MEGF8: variants seen among roughly 807,000 people sequenced by gnomAD.
MEGF8 encodes the protein multiple epidermal growth factor-like domains protein 8.
MEGF8 carries 156 observed loss-of-function variants against 302.9 expected under a neutral mutation model. The ratio of observed to expected loss-of-function variants is 0.52; its 90% confidence interval spans 0.45 to 0.59. MEGF8 has a LOEUF of 0.59. MEGF8 is among the 20% of genes least tolerant of loss of function. MEGF8 has a pLI of 0.00. For synonymous variants in MEGF8, 1,621 were observed against 1,660.5 expected (o/e 0.98, Z 0.58); for missense variants, 3,345 against 3,964.5 (o/e 0.84, Z 4.20).
rs537788689 is a variant in MEGF8 at position 42,370,709 on chromosome 19, C to T, written c.7014C>T (p.Asn2338=). ...KYSLDPEEIE[N]WVTEGPSEDE... is the part of the protein sequence containing the mutation. ...TGTCCTTCCTTGGCCAGATTGAAAA[C>T]TGGGTGACAGAGGGTCCTAGTGAAG... Residue 2338 remains asparagine, a synonymous_variant, in exon 40 of 42, where the codon AAC becomes AAT. Coordinates refer to ENST00000251268, the MANE Select transcript of MEGF8 (RefSeq NM_001271938.2). 80 of 1,593,660 alleles carry T rather than the reference C, an allele frequency of 5.0e-5. 1 individual carries two copies. In the South Asian group the frequency reaches 8.0e-4, roughly 16 times the overall value.
At chr19:42,330,530 G>T (rs2039042309) in intron 1 of MEGF8, among the ~76,000 whole-genome samples, 1 of 152,246 alleles carries the variant, frequency 6.6e-6, no homozygotes, top group Non-Finnish European at 1.5e-5. Flanking sequence ...GGTGGGGTCT[G>T]TGTCTGATGT....
At chr19:42,373,988 C>T (rs1390215333) in intron 41 of MEGF8, among the ~76,000 whole-genome samples, 2 of 152,164 alleles carry the variant, frequency 1.3e-5, no homozygotes, top group African/African-American at 2.4e-5. Flanking sequence ...ACTGGGATTA[C>T]AGGCATGAGT....
chr19:42,336,036 C>G lies in MEGF8; in HGVS notation c.934C>G (p.Pro312Ala), dbSNP rs1194634323. 6.4e-7 allele frequency: 1 copy of G among 1,571,272 alleles called. No homozygotes were observed. Among genetic ancestry groups the G allele is most frequent in the Non-Finnish European group, 8.6e-7 (1 of 1,162,326 alleles). The part of the protein sequence containing the change: ...SLTNDVWAFS[P>A]LGRGHWELLA... Reference sequence around the variant, plus strand: ...CACCAACGACGTGTGGGCCTTCAGTCCACTGGGCAGGGGCCACTGGGAGCT... The same window carrying G: ...CACCAACGACGTGTGGGCCTTCAGTGCACTGGGCAGGGGCCACTGGGAGCT... Residue 312 changes from proline (P) to alanine (A), a missense_variant, in exon 6 of 42, where the codon CCA (proline) becomes GCA (alanine). Transcript: ENST00000251268. The surrounding 1 kb of genome is among the most constrained non-coding windows in gnomAD (Gnocchi z 4.8).
At chr19:42,359,495 A>C (rs1289596803) in intron 31 of MEGF8, among the ~76,000 whole-genome samples, 1 of 152,148 alleles carries the variant, frequency 6.6e-6, no homozygotes, top group Non-Finnish European at 1.5e-5. Context: ...AGAAAAAAAA[A>C]CACCCATAAT....
chr19:42,356,092 G>A lies in MEGF8; in HGVS notation c.4402G>A (p.Val1468Met), dbSNP rs2039447946. 2.5e-6 allele frequency: 4 copies of A among 1,587,700 alleles called. No homozygotes were observed. The South Asian group carries it at 4.6e-5, about 18-fold the overall frequency. ...GAGTCNQSLG[V>M]CICAEGFGGP... ...CCTTGTCATCCCCCAGAGCCTGGGT[G>A]TGTGCATCTGTGCCGAGGGCTTCGG... The change falls in exon 25 of 42, where the codon GTG becomes ATG. Residue 1468 changes from valine (V) to methionine (M), a missense_variant. Transcript: ENST00000251268. This position sits in a 1 kb window ranked among gnomAD's most constrained non-coding sequence, Gnocchi z 5.2.
At position 42,376,422 on chromosome 19, in the gene MEGF8, G is replaced by A; in HGVS notation, c.8185G>A (p.Glu2729Lys). Reference sequence around the variant, plus strand: ...CCCACCTCCCGCCTTCCGCCGCTCTGAGCCCTTCCTGGCACCCCTGCTGCT... The same window carrying A: ...CCCACCTCCCGCCTTCCGCCGCTCTAAGCCCTTCCTGGCACCCCTGCTGCT... Reference protein sequence around the residue: ...GLPPPAFRRSEPFLAPLLLTG... With the variant: ...GLPPPAFRRSKPFLAPLLLTG... Residue 2729 changes from glutamate to lysine, a missense_variant, in exon 42 of 42, where the codon GAG becomes AAG. By Grantham distance (56) the Glu-to-Lys change is moderately conservative (BLOSUM62 1). Coordinates refer to ENST00000251268, the MANE Select transcript of MEGF8 (RefSeq NM_001271938.2). This position sits in a 1 kb window ranked among gnomAD's most constrained non-coding sequence, Gnocchi z 8.2. 6.2e-7 allele frequency: 1 copy of A among 1,612,472 alleles called. No homozygotes were observed. The highest frequency in any genetic ancestry group is 8.5e-7 in the Non-Finnish European group (1 of 1,179,606).
At chr19:42,330,863 A>C (rs2039046017) in intron 1 of MEGF8, among the ~76,000 whole-genome samples, 4 of 152,214 alleles carry the variant, frequency 2.6e-5, no homozygotes. Context: ...AATATGTTGC[A>C]GACAGAGGGA....
rs769598183 is a variant in MEGF8, at chr19:42,375,826, C to T, written c.7589C>T (p.Pro2530Leu). 41 of 1,611,802 alleles carry T rather than the reference C, an allele frequency of 2.5e-5. No homozygotes were observed. Among genetic ancestry groups the T allele is most frequent in the Middle Eastern group, 1.7e-4 (1 of 5,992 alleles). The change falls in exon 42 of 42, where the codon CCA becomes CTA. Residue 2530 changes from proline (P) to leucine (L), a missense_variant. Pro to Leu is a moderately conservative substitution (Grantham distance 98). Coordinates refer to ENST00000251268, the MANE Select transcript of MEGF8 (RefSeq NM_001271938.2). The surrounding 1 kb of genome is among the most constrained non-coding windows in gnomAD (Gnocchi z 7.1). ...CATACTGTACACATCCAGCCACCCC[C>T]AGCCCCACCACCTCCACCACCCCCT... ...GVHTVHIQPP[P>L]APPPPPPPAD...
intron 5 of MEGF8, among the ~76,000 whole-genome samples, 164 bp from the exon 6 acceptor site, chr19:42,335,767 G>A (rs2039118735): frequency 1.3e-5 from 2 of 152,042 alleles, no homozygotes; most frequent in South Asian, 2.1e-4. Flanking sequence ...GTTTCTATGA[G>A]TCTGTCTCTT....
In MEGF8 at chr19:42,372,074, AAC is replaced by A. The variant is rs1555784682; in HGVS notation, c.7269+616_7269+617del. On this transcript the variant is annotated intron_variant, in intron 41 of 41. Coordinates refer to ENST00000251268, the MANE Select transcript of MEGF8 (RefSeq NM_001271938.2). ...AACAACAACAACAACAACAACAACA[AAC>A]ACACACACACACACACACACACAAC... Among the ~76,000 whole-genome samples the A allele has an allele frequency of 5.8e-3, 463 of 79,272 alleles. 2 individuals are homozygous for A. Among genetic ancestry groups the A allele is most frequent in the African/African-American group, 0.017 (455 of 27,382 alleles). The allele number at this position is 79,272 out of a possible 152,430, so 52.0% of individuals were successfully genotyped here. A position where few individuals can be genotyped will look rare whatever the true frequency, so the allele number is the denominator to read the frequency against.
chr19:42,336,327 C>G lies in MEGF8; in HGVS notation c.1225C>G (p.His409Asp). 6.2e-7 allele frequency: 1 copy of G among 1,600,598 alleles called. No homozygotes were observed. Among genetic ancestry groups the G allele is most frequent in the Non-Finnish European group, 8.5e-7 (1 of 1,175,002 alleles). ...CCGTGCCCTGCTGGTCCATGGTGGA[C>G]ACCGGCCCTCCACTGCCCGGTAAGT... is the stretch of plus-strand genomic sequence containing the variant. Reference protein sequence around the residue: ...PSRALLVHGGHRPSTARFSVR... With the variant: ...PSRALLVHGGDRPSTARFSVR... The change falls in exon 6 of 42, where the codon CAC (histidine) becomes GAC (aspartate). Residue 409 changes from histidine to aspartate, a missense_variant. His to Asp is a moderately conservative substitution (Grantham distance 81). Coordinates refer to ENST00000251268, the MANE Select transcript of MEGF8 (RefSeq NM_001271938.2). The surrounding 1 kb of genome is among the most constrained non-coding windows in gnomAD (Gnocchi z 4.8).
intron 35 of MEGF8, among the ~76,000 whole-genome samples, chr19:42,367,489 C>T (rs2039625131): frequency 6.6e-6 from 1 of 152,080 alleles, no homozygotes; most frequent in Admixed American, 6.6e-5. Flanking sequence ...AGGGTTTCAC[C>T]ATGTTAGCCA....
rs2039481800 is a variant in MEGF8 at position 42,358,308 on chromosome 19, G to T, written c.5175+1G>T. The T allele has an allele frequency of 6.3e-7, 1 of 1,599,292 alleles. No homozygotes were observed. The highest frequency in any genetic ancestry group is 8.5e-7 in the Non-Finnish European group (1 of 1,173,296). The stretch of plus-strand genomic sequence containing the variant: ...GCTGGCCCCTTCTCAGGGGGCAAAG[G>T]TCAGGAAAAGAGGCTCAGACCCAAG... On this transcript the variant is annotated splice_donor_variant, in intron 29 of 41. Coordinates refer to ENST00000251268, the MANE Select transcript of MEGF8 (RefSeq NM_001271938.2). LOFTEE classifies it high-confidence loss of function. This position sits in a 1 kb window ranked among gnomAD's most constrained non-coding sequence, Gnocchi z 4.4.
intron 41 of MEGF8, among the ~76,000 whole-genome samples, chr19:42,373,643 A>T (rs1017413548): frequency 2.3e-5 from 3 of 130,070 alleles, no homozygotes; most frequent in Non-Finnish European, 4.8e-5. Context: ...CAATCCACTC[A>T]CCTTGGCTTC....
intron 13 of MEGF8, 102 bp from the exon 14 acceptor site, chr19:42,349,397 T>C: frequency 2.0e-6 from 2 of 1,016,860 alleles, no homozygotes; most frequent in Non-Finnish European, 2.8e-6. Flanking sequence ...GCCCTCTTCT[T>C]AGGAGGGGGT....
At chr19:42,371,254 TC>T in intron 40 of MEGF8, 95 bp from the exon 41 acceptor site, 1 of 1,481,750 alleles carries the variant, frequency 6.7e-7, no homozygotes, top group Non-Finnish European at 9.1e-7. Context: ...AGTTTCCTCT[TC>T]TGGCCTGTTG....
Position 42,351,308 on chromosome 19 carries a change from A to T in MEGF8, c.2829A>T (p.Pro943=). 1 of 1,568,774 alleles carries T rather than the reference A, an allele frequency of 6.4e-7. No individual in the cohort carries two copies. The highest frequency in any genetic ancestry group is 8.6e-7 in the Non-Finnish European group (1 of 1,156,564). Residue 943 remains proline (P), a synonymous_variant, in exon 16 of 42, where the codon CCA becomes CCT. Coordinates refer to ENST00000251268, the MANE Select transcript of MEGF8 (RefSeq NM_001271938.2). The surrounding 1 kb of genome is among the most constrained non-coding windows in gnomAD (Gnocchi z 5.6). ...GGGGTCGGGGTGCCCTGAAGAGTCC[A>T]GAGGAGTGTCCCCCGCTCTGCAGCC... ...RGRGRGALKS[P]EECPPLCSQR...
intron 41 of MEGF8, 144 bp downstream of exon 41, chr19:42,371,626 T>A: frequency 8.6e-7 from 1 of 1,163,574 alleles, no homozygotes; most frequent in Non-Finnish European, 1.2e-6. Flanking sequence ...TGACAGACTG[T>A]TCCTGAGCCC....
intron 34 of MEGF8, 26 bp from the exon 35 acceptor site, chr19:42,363,022 T>C (rs1372774386): frequency 6.3e-7 from 1 of 1,595,186 alleles, no homozygotes; most frequent in Admixed American, 1.7e-5. Flanking sequence ...GGGTCTGAGG[T>C]TCTAATCCCC....
Sources: allele counts gnomAD v4.1 joint callset (sites outside exome capture counted in the v4.1 genomes callset), GRCh38; gene constraint gnomAD v4.1.1; non-coding constraint Gnocchi (gnomAD v3.1); transcripts MANE v1.5; gene names NCBI Gene and HGNC (gene_info 2026-07-23, HGNC 2026-07-21).